Variants in ACER1 observed in about 807,000 individuals in gnomAD.
ACER1 encodes the protein alkaline ceramidase 1, also known as CTB-180A7.3.
Under a neutral mutation model 24.9 loss-of-function variants are expected in ACER1, and 28 were observed. That is an observed-to-expected ratio of 1.13 (90% CI 0.83 to 1.54). The LOEUF (loss-of-function observed/expected upper bound fraction) is 1.54, where lower values mean the gene tolerates loss of function less well. ACER1 is among the 40% of genes most tolerant of loss of function. The pLI is 0.00. For missense variants in ACER1, 352 were observed against 349.3 expected (o/e 1.01, Z -0.06); for synonymous variants, 132 against 131.4 (o/e 1.00, Z -0.03).
the ACER1 span, among the ~76,000 whole-genome samples, chr19:6,342,453 C>T: frequency 6.6e-6 from 1 of 151,946 alleles, no homozygotes; most frequent in Admixed American, 6.6e-5. Context: ...GGAGTGGTGG[C>T]TCACACCTGT....
the ACER1 span, among the ~76,000 whole-genome samples, chr19:6,338,939 G>C: frequency 6.7e-6 from 1 of 148,900 alleles, no homozygotes; most frequent in Non-Finnish European, 1.5e-5. Context: ...GTGCAATGGT[G>C]CAATCTCGGC....
chr19:6,318,121 A>C (rs774415168), intron 1 of ACER1, among the ~76,000 whole-genome samples: 1 of 151,828 alleles, frequency 6.6e-6, no homozygotes, highest in Non-Finnish European at 1.5e-5. Flanking sequence ...GGAGATCGAG[A>C]CCATCCTGGC....
At chr19:6,341,449 T>C in the ACER1 span, among the ~76,000 whole-genome samples, 1 of 142,434 alleles carries the variant, frequency 7.0e-6, no homozygotes, top group African/African-American at 2.7e-5. Flanking sequence ...TGCTTGAGCC[T>C]AAAGGTCGAA....
the ACER1 span, among the ~76,000 whole-genome samples, chr19:6,353,794 C>T: frequency 1.3e-5 from 2 of 151,408 alleles, no homozygotes; most frequent in Non-Finnish European, 2.9e-5. Context: ...CATTGCACTC[C>T]GGCCTAGGCA....
intron 1 of ACER1, among the ~76,000 whole-genome samples, chr19:6,315,061 AT>A (rs58245471): frequency 0.15 from 22,304 of 150,980 alleles, 1,869 homozygotes; most frequent in East Asian, 0.29. Context: ...CCAGCTAATT[AT>A]TTTTTTGTAG....
chr19:6,336,819 CAAAAA>C (rs57500077), upstream of ACER1, among the ~76,000 whole-genome samples: 15 of 67,766 alleles, frequency 2.2e-4, no homozygotes, highest in African/African-American at 6.1e-4. Context: ...GACCCCGACT[CAAAAA>C]AAAAAAAAAA....
the ACER1 span, among the ~76,000 whole-genome samples, chr19:6,347,109 A>AAAAAAAATATATATATATATATATAT: frequency 2.6e-5 from 3 of 113,770 alleles, no homozygotes; most frequent in African/African-American, 1.5e-4. Context: ...AAAAAAAAAA[A>AAAAAAAATATATATATATATATATAT]ATATATATAT....
chr19:6,316,451 A>C (rs990124036), intron 1 of ACER1, among the ~76,000 whole-genome samples: 3 of 152,234 alleles, frequency 2.0e-5, no homozygotes, highest in Non-Finnish European at 4.4e-5. Flanking sequence ...CACACACACA[A>C]AGAATGAAAT....
intron 1 of ACER1, among the ~76,000 whole-genome samples, chr19:6,315,049 G>A (rs143065872): frequency 0.012 from 1,757 of 147,514 alleles, 40 homozygotes; most frequent in African/African-American, 0.041. Flanking sequence ...CTGCCACCAC[G>A]CCCAGCTAAT....
At chr19:6,341,170 G>A in the ACER1 span, among the ~76,000 whole-genome samples, 1 of 149,418 alleles carries the variant, frequency 6.7e-6, no homozygotes, top group Non-Finnish European at 1.5e-5. Flanking sequence ...GCGCGATCTC[G>A]GCTCACTGTA....
chr19:6,356,478 A>C, the ACER1 span, among the ~76,000 whole-genome samples: 1 of 150,296 alleles, frequency 6.7e-6, no homozygotes, highest in South Asian at 2.1e-4. Flanking sequence ...TAAAAAAATA[A>C]ATAAAATAAA....
chr19:6,347,109 A>AAAAAAAAAAATATAT, the ACER1 span, among the ~76,000 whole-genome samples: 6 of 113,778 alleles, frequency 5.3e-5, no homozygotes, highest in East Asian at 2.6e-4. Flanking sequence ...AAAAAAAAAA[A>AAAAAAAAAAATATAT]ATATATATAT....
chr19:6,334,481 A>G (rs189780787), upstream of ACER1, among the ~76,000 whole-genome samples: 2 of 152,122 alleles, frequency 1.3e-5, no homozygotes, highest in African/African-American at 4.8e-5. Context: ...AGTAGCTGGG[A>G]TGACTGGCAC....
intron 1 of ACER1, 95 bp from the exon 2 acceptor site, chr19:6,312,594 T>G: frequency 4.3e-6 from 4 of 932,860 alleles, no homozygotes; most frequent in African/African-American, 1.6e-5. Flanking sequence ...GCCAGTCGGT[T>G]ACCTGCTGCA....
chr19:6,358,934 A>C, the ACER1 span, among the ~76,000 whole-genome samples: 6 of 102,672 alleles, frequency 5.8e-5, no homozygotes. Flanking sequence ...ACTCTGTCTC[A>C]AAAAAAAAAA....
intron 1 of ACER1, among the ~76,000 whole-genome samples, chr19:6,313,928 G>A (rs964950221): frequency 4.6e-5 from 7 of 152,062 alleles, no homozygotes; most frequent in Non-Finnish European, 8.8e-5. Flanking sequence ...AGGGCCAGTG[G>A]TTCAATTCTT....
At chr19:6,352,951 T>A in the ACER1 span, among the ~76,000 whole-genome samples, 1 of 152,198 alleles carries the variant, frequency 6.6e-6, no homozygotes, top group Non-Finnish European at 1.5e-5. Context: ...GTAGGGCAGG[T>A]TGATTTGGAG....
chr19:6,307,567 T>A (rs1471179440), intron 4 of ACER1, among the ~76,000 whole-genome samples: 1 of 150,116 alleles, frequency 6.7e-6, no homozygotes, highest in Non-Finnish European at 1.5e-5. Flanking sequence ...GAGGATCGCT[T>A]GAGCCCTGGA....
In ACER1 at chr19:6,312,432, T is replaced by C; in HGVS notation, c.161A>G (p.Lys54Arg). ...GACAACGTAAATGTAGCGGGAGCGC[T>C]TCTGGGCATACGGGTGCATCAGGAG... is the stretch of plus-strand genomic sequence containing the variant. The part of the protein sequence containing the change: ...MMLLMHPYAQ[K>R]RSRYIYVVWV... Residue 54 changes from lysine (K) to arginine (R), a missense_variant, in exon 2 of 6, where the codon AAG becomes AGG. Lys to Arg is a conservative substitution (Grantham distance 26, BLOSUM62 2). Transcript: ENST00000301452. 6.2e-7 allele frequency: 1 copy of C among 1,613,964 alleles called. No individual in the cohort carries two copies. The highest frequency in any genetic ancestry group is 8.5e-7 in the Non-Finnish European group (1 of 1,180,018).
Sources: gnomAD v4.1 joint callset for allele counts (sites outside exome capture counted in the v4.1 genomes callset) on GRCh38, gnomAD v4.1.1 for gene constraint, MANE v1.5 for transcripts, NCBI Gene and HGNC (gene_info 2026-07-23, HGNC 2026-07-21) for gene names.